UBR4: variants seen among roughly 807,000 people sequenced by gnomAD.
UBR4 encodes ubiquitin protein ligase E3 component n-recognin 4.
In UBR4, 124 loss-of-function variants were observed where a neutral mutation model predicts 575.6. The ratio of observed to expected loss-of-function variants is 0.22; its 90% CI spans 0.19 to 0.25. The LOEUF (loss-of-function observed/expected upper bound fraction) is 0.25. Ranked by LOEUF, UBR4 falls within the 10% of genes least tolerant of loss-of-function variation. UBR4 has a pLI of 1.00. For synonymous variants in UBR4, 2,455 were observed against 2,473.7 expected (o/e 0.99, Z 0.22); for missense variants, 4,818 against 6,478.8 (o/e 0.74, Z 8.80).
chr1:19,201,330 A>G (rs1490349716), intron 2 of UBR4, among the ~76,000 whole-genome samples: 1 of 152,220 alleles, frequency 6.6e-6, no homozygotes, highest in East Asian at 1.9e-4. Context: ...CATCCTCACC[A>G]AAACCAAATA....
intron 47 of UBR4, 46 bp from the exon 48 acceptor site, chr1:19,151,905 A>G: frequency 6.7e-7 from 1 of 1,483,372 alleles, no homozygotes; most frequent in Non-Finnish European, 9.0e-7. Flanking sequence ...GAAGTTCTTA[A>G]GTTTTAACTA....
At chr1:19,148,717 G>C (rs1422871876) in intron 49 of UBR4, 91 bp from the exon 50 acceptor site, 1 of 1,399,808 alleles carries the variant, frequency 7.1e-7, no homozygotes, top group Non-Finnish European at 1.0e-6. Context: ...AGGACCTTGG[G>C]GACAGCTAAT....
intron 1 of UBR4, among the ~76,000 whole-genome samples, chr1:19,208,008 A>C (rs955944749): frequency 6.6e-6 from 1 of 152,200 alleles, no homozygotes; most frequent in African/African-American, 2.4e-5. Flanking sequence ...CTGCTTTATA[A>C]CAAACTGAAC....
Position 19,168,158 on chromosome 1 carries a change from G to A in UBR4, c.3768C>T (p.Ile1256=), listed in dbSNP as rs759003989. The A allele has an allele frequency of 5.7e-6, 9 of 1,592,428 alleles. No individual in the cohort carries two copies. In the East Asian group the frequency reaches 1.8e-4, roughly 32 times the overall value. Reference sequence around the variant, plus strand: ...CTGCACTAATATAACTCTCTGAAGGGATGGTGTCATTGGCAAAGGCATTGC... The same window carrying A: ...CTGCACTAATATAACTCTCTGAAGGAATGGTGTCATTGGCAAAGGCATTGC... ...SWRNAFANDT[I]PSESYISAVQ... Residue 1256 remains isoleucine, a synonymous_variant, in exon 28 of 106, where the codon ATC becomes ATT. Coordinates refer to ENST00000375254, the MANE Select transcript of UBR4 (RefSeq NM_020765.3).
rs769668795 is a variant in UBR4 at position 19,160,986 on chromosome 1, G to T, written c.5337C>A (p.Asp1779Glu). ...GGCTGCTCTTCTTGGGCTTCTCTTC[G>T]TCAGCAACCTTTCCATCACTGATGG... ...KVTISDGKVA[D>E]EEKPKKSSLC... The change falls in exon 38 of 106, where the codon GAC becomes GAA. Residue 1779 changes from aspartate (D) to glutamate (E), a missense_variant. Asp to Glu is a conservative substitution (Grantham distance 45). This residue lies in a region of UBR4 where 159 missense variants were observed against 174.6 expected (regional missense o/e 0.91). Transcript: ENST00000375254. 1 of 1,614,096 alleles carries T rather than the reference G, an allele frequency of 6.2e-7. No homozygotes were observed. Among genetic ancestry groups the T allele is most frequent in the Non-Finnish European group, 8.5e-7 (1 of 1,180,028 alleles).
chr1:19,105,705 C>A, intron 84 of UBR4, 28 bp downstream of exon 84: 2 of 1,525,334 alleles, frequency 1.3e-6, no homozygotes, highest in South Asian at 1.3e-5. Flanking sequence ...AGTCTAACCA[C>A]GCTCCTCATC....
Position 19,152,608 on chromosome 1 carries a change from T to G in UBR4, c.6833-132A>C. ...CAAACTCTGGATTATAACATTTGCA[T>G]CGGCATGATGCCTACATGTGGTTAG... On this transcript the variant is annotated intron_variant, in intron 46 of 105. Transcript: ENST00000375254. This position sits in a 1 kb window ranked among gnomAD's most constrained non-coding sequence, Gnocchi z 4.4. 1 of 1,215,350 alleles carries G rather than the reference T, an allele frequency of 8.2e-7. No homozygotes were observed. Among genetic ancestry groups the G allele is most frequent in the Non-Finnish European group, 1.2e-6 (1 of 865,754 alleles). 75.3% of individuals were successfully genotyped at this position (1,215,350 alleles called of 1,614,324 possible). A position where few individuals can be genotyped will look rare whatever the true frequency, so the allele number is the denominator to read the frequency against.
Position 19,074,724 on chromosome 1 carries a change from G to T in UBR4, c.*108C>A. ...AAGAAAAATGAGAGAGGGGAGGGCG[G>T]GGTAACAATGCAGCATCCCGCGGAG... is the stretch of plus-strand genomic sequence containing the variant. On this transcript the variant is annotated 3_prime_UTR_variant, in exon 106 of 106. Coordinates refer to ENST00000375254, the MANE Select transcript of UBR4 (RefSeq NM_020765.3). 7.8e-7 allele frequency: 1 copy of T among 1,275,064 alleles called. No homozygotes were observed. Among genetic ancestry groups the T allele is most frequent in the Non-Finnish European group, 1.1e-6 (1 of 895,130 alleles). 79.0% of individuals were successfully genotyped at this position (1,275,064 alleles called of 1,614,324 possible).
chr1:19,136,432 G>A (rs1458272774), intron 60 of UBR4, among the ~76,000 whole-genome samples: 1 of 152,076 alleles, frequency 6.6e-6, no homozygotes, highest in African/African-American at 2.4e-5. Context: ...ATTTCATTTT[G>A]GATAAGGTAA....
In UBR4 at chr1:19,169,463, G is replaced by T; in HGVS notation, c.3713C>A (p.Thr1238Asn). The T allele has an allele frequency of 6.2e-7, 1 of 1,613,918 alleles. No individual in the cohort carries two copies. Among genetic ancestry groups the T allele is most frequent in the South Asian group, 1.1e-5 (1 of 91,016 alleles). The change falls in exon 27 of 106, where the codon ACC becomes AAC. Residue 1238 changes from threonine to asparagine, a missense_variant. Physicochemically the swap from Thr to Asn is moderately conservative, Grantham distance 65. Transcript: ENST00000375254. ...TVCESWNNIN[T>N]NEFPNIGSWR... ...GGATCCAATATTGGGAAATTCATTG[G>T]TATTGATGTTGTTCCAGGACTCACA...
intron 1 of UBR4, among the ~76,000 whole-genome samples, chr1:19,202,797 C>T (rs184726302): frequency 2.1e-4 from 32 of 152,218 alleles, no homozygotes; most frequent in Admixed American, 9.8e-4. Context: ...GGGCCGGGCA[C>T]GGTGGCTGGC....
chr1:19,144,077 G>A lies in UBR4; in HGVS notation c.8082C>T (p.Ser2694=). Residue 2694 remains serine (S), a synonymous_variant, in exon 55 of 106, where the codon AGC becomes AGT. Coordinates refer to ENST00000375254, the MANE Select transcript of UBR4 (RefSeq NM_020765.3). ...QMLLCPDPAV[S]FSCKQALIRV... ...GAATTAGAGCTTGTTTACAAGAGAA[G>A]CTCACAGCAGGATCCTGAGGTTTAA... 1 of 1,613,914 alleles carries A rather than the reference G, an allele frequency of 6.2e-7. No individual in the cohort carries two copies. Among genetic ancestry groups the A allele is most frequent in the Non-Finnish European group, 8.5e-7 (1 of 1,179,852 alleles).
chr1:19,150,799 A>G lies in UBR4; in HGVS notation c.7214-6T>C, dbSNP rs889690530. 13 of 1,613,628 alleles carry G rather than the reference A, an allele frequency of 8.1e-6. No individual in the cohort carries two copies. Among genetic ancestry groups the G allele is most frequent in the South Asian group, 1.1e-5 (1 of 91,082 alleles). ...TGGATCCACCGAGGCCCCAACTGCA[A>G]TAAGCAAGAGAGGCCTTTAGGAAGC... On this transcript the variant is annotated splice_region_variant and splice_polypyrimidine_tract_variant and intron_variant, in intron 48 of 105. Transcript: ENST00000375254.
rs548448597 is a variant in UBR4 at position 19,084,369 on chromosome 1, G to A, written c.15008+135C>T. 6.7e-5 allele frequency: 58 copies of A among 870,992 alleles called. 1 individual carries two copies. In the South Asian group the frequency reaches 8.0e-4, roughly 12 times the overall value. The allele number at this position is 870,992 out of a possible 1,614,324, so 54.0% of individuals were successfully genotyped here. On this transcript the variant is annotated intron_variant, in intron 102 of 105. Transcript: ENST00000375254. ...GAATGCAGATGAGCATCCCCACCTCGGCAAAAAGGCTGCCTTAGGCCAGAC... is the reference window on the plus strand; with the variant it reads ...GAATGCAGATGAGCATCCCCACCTCAGCAAAAAGGCTGCCTTAGGCCAGAC...
chr1:19,128,997 C>T lies in UBR4; in HGVS notation c.8984G>A (p.Arg2995Gln), dbSNP rs767799199. The T allele has an allele frequency of 5.6e-6, 9 of 1,613,912 alleles. No homozygotes were observed. Among genetic ancestry groups the T allele is most frequent in the Admixed American group, 3.3e-5 (2 of 59,992 alleles). ...AGATACCTGCATGTATGGGATGGCCCGGACACCGCCAACGTTTCGTAATTG... is the reference window on the plus strand; with the variant it reads ...AGATACCTGCATGTATGGGATGGCCTGGACACCGCCAACGTTTCGTAATTG... ...LPQLRNVGGVRAIPYMQVILM... is the reference protein window; with the variant it reads ...LPQLRNVGGVQAIPYMQVILM... The change falls in exon 61 of 106, where the codon CGG (arginine) becomes CAG (glutamine). Residue 2995 changes from arginine (R) to glutamine (Q), a missense_variant. Arg to Gln is a conservative substitution (Grantham distance 43). This residue lies in a region of UBR4 where 87 missense variants were observed against 82.8 expected (regional missense o/e 1.05). Transcript: ENST00000375254.
chr1:19,109,396 T>C (rs1454954176), intron 81 of UBR4, among the ~76,000 whole-genome samples: 2 of 152,262 alleles, frequency 1.3e-5, no homozygotes, highest in Admixed American at 1.3e-4. Context: ...TACCATCCTA[T>C]ATACTAGACA....
chr1:19,079,473 A>G (rs1267453240), intron 103 of UBR4: 1 of 152,224 alleles, frequency 6.6e-6, no homozygotes, highest in Non-Finnish European at 1.5e-5. Flanking sequence ...TCAAGTTCTG[A>G]CAGACGCCTG....
chr1:19,199,788 C>T (rs1490221666), intron 2 of UBR4, 34 bp from the exon 3 acceptor site: 3 of 1,585,508 alleles, frequency 1.9e-6, no homozygotes, highest in South Asian at 1.1e-5. Context: ...CAATTTCAGA[C>T]TGCTCAGCGT....
intron 27 of UBR4, among the ~76,000 whole-genome samples, chr1:19,169,103 C>A (rs746706280): frequency 3.3e-5 from 5 of 152,114 alleles, no homozygotes; most frequent in African/African-American, 1.2e-4. Flanking sequence ...AGAGTTAACA[C>A]GTATTGGGAA....
Sources: allele counts gnomAD v4.1 joint callset (sites outside exome capture counted in the v4.1 genomes callset), GRCh38; gene constraint gnomAD v4.1.1; regional missense constraint gnomAD v4.1.1; non-coding constraint Gnocchi (gnomAD v3.1); transcripts MANE v1.5; gene names NCBI Gene and HGNC (gene_info 2026-07-23, HGNC 2026-07-21).